PHACTR2: variants seen among roughly 807,000 people sequenced by gnomAD.
PHACTR2 encodes the protein phosphatase and actin regulator 2.
Under a neutral mutation model 76.0 loss-of-function variants are expected in PHACTR2, and 30 were observed. The observed-to-expected ratio is 0.39, with a 90% CI of 0.30 to 0.54. PHACTR2 has a LOEUF of 0.54. Among genes scored for constraint, PHACTR2 ranks in the 20% least tolerant of loss-of-function variants. The pLI, the probability that PHACTR2 is intolerant of heterozygous loss-of-function variation, is 0.61. For missense variants in PHACTR2, 696 were observed against 781.1 expected (o/e 0.89, Z 1.30); for synonymous variants, 292 against 292.5 (o/e 1.00, Z 0.02).
intron 1 of PHACTR2, among the ~76,000 whole-genome samples, chr6:143,560,213 T>C (rs1582670740): frequency 6.6e-6 from 1 of 152,370 alleles, no homozygotes; most frequent in African/African-American, 2.4e-5. Context: ...AAATCTGTCC[T>C]TAATTAAATA....
intron 1 of PHACTR2, among the ~76,000 whole-genome samples, chr6:143,686,163 A>C (rs1000962267): frequency 6.6e-6 from 1 of 151,634 alleles, no homozygotes; most frequent in Non-Finnish European, 1.5e-5. Flanking sequence ...CTTAGACTAC[A>C]CTTAGACCCA....
At chr6:143,540,981 G>A (rs1270367234) in intron 1 of PHACTR2, among the ~76,000 whole-genome samples, 3 of 152,092 alleles carry the variant, frequency 2.0e-5, no homozygotes, top group South Asian at 2.1e-4. Context: ...ATGGCTGTTC[G>A]CCAGTACAAC....
At chr6:143,572,793 T>A (rs1775462001) in intron 1 of PHACTR2, among the ~76,000 whole-genome samples, 1 of 152,200 alleles carries the variant, frequency 6.6e-6, no homozygotes, top group Admixed American at 6.5e-5. Context: ...CCTCAAGCAA[T>A]CCACCTGCCT....
Position 143,823,569 on chromosome 6 carries a change from T to C in PHACTR2, c.1923-105T>C, listed in dbSNP as rs1454959238. 3.9e-6 allele frequency: 3 copies of C among 759,754 alleles called. No homozygotes were observed. The Admixed American group carries it at 5.8e-5, about 15-fold the overall frequency. 47.1% of individuals were successfully genotyped at this position (759,754 alleles called of 1,614,324 possible). On this transcript the variant is annotated intron_variant, in intron 12 of 12. Coordinates refer to ENST00000440869, the MANE Select transcript of PHACTR2 (RefSeq NM_001100164.2). This position sits in a 1 kb window ranked among gnomAD's most constrained non-coding sequence, Gnocchi z 5.7. The stretch of plus-strand genomic sequence containing the variant: ...TAAACAGTAATTCAGTTGGGGGATA[T>C]CTGGGGTACCTTTTCATTGTAAACA...
Position 143,772,590 on chromosome 6 carries a change from T to G in PHACTR2, c.1432+133T>G. ...TTCCCCTCATCCTCCTTTCTCAAAT[T>G]AGAAATGTGTATATCCTAAAGTTTA... On this transcript the variant is annotated intron_variant, in intron 7 of 12. Coordinates refer to ENST00000440869, the MANE Select transcript of PHACTR2 (RefSeq NM_001100164.2). The surrounding 1 kb of genome is among the most constrained non-coding windows in gnomAD (Gnocchi z 5.4). 1 of 671,338 alleles carries G rather than the reference T, an allele frequency of 1.5e-6. No homozygotes were observed. The highest frequency in any genetic ancestry group is 2.6e-6 in the Non-Finnish European group (1 of 388,618). 41.6% of individuals were successfully genotyped at this position (671,338 alleles called of 1,614,324 possible).
At chr6:143,681,072 G>T (rs191864084) in intron 1 of PHACTR2, among the ~76,000 whole-genome samples, 1 of 152,156 alleles carries the variant, frequency 6.6e-6, no homozygotes, top group East Asian at 1.9e-4. Flanking sequence ...TGAACTTAAT[G>T]TACAAGTTGT....
chr6:143,667,510 T>C (rs935489874), intron 1 of PHACTR2, among the ~76,000 whole-genome samples: 2 of 152,242 alleles, frequency 1.3e-5, no homozygotes, highest in African/African-American at 4.8e-5. Flanking sequence ...TCCGTGAGCA[T>C]GGAATGCTTT....
At position 143,571,747 on chromosome 6, in the gene PHACTR2, A is replaced by G. The variant is rs1775448833; in HGVS notation, c.217+34540A>G. On this transcript the variant is annotated intron_variant, in intron 1 of 11. Coordinates refer to the PHACTR2 transcript ENST00000367584. This position sits in a 1 kb window ranked among gnomAD's most constrained non-coding sequence, Gnocchi z 4.6. ...CCATCATTAAAAAAATCATTTCCTT[A>G]CTTTCTGGGACCACAAGACGTTCCA... 6.6e-6 allele frequency among the ~76,000 whole-genome samples: 1 copy of G among 151,726 alleles called. No individual in the cohort carries two copies. Among genetic ancestry groups the G allele is most frequent in the African/African-American group, 2.4e-5 (1 of 41,244 alleles).
chr6:143,572,567 T>C (rs1002817515), intron 1 of PHACTR2, among the ~76,000 whole-genome samples: 1 of 152,234 alleles, frequency 6.6e-6, no homozygotes, highest in Non-Finnish European at 1.5e-5. Context: ...TGTTGTTGTT[T>C]TTGAAATGGA....
chr6:143,781,147 A>G (rs980227952), intron 9 of PHACTR2, among the ~76,000 whole-genome samples: 10 of 152,240 alleles, frequency 6.6e-5, no homozygotes, highest in Non-Finnish European at 1.3e-4. Flanking sequence ...AGGAACAGTC[A>G]TGTTGGCTTC....
intron 2 of PHACTR2, among the ~76,000 whole-genome samples, chr6:143,744,472 G>A (rs1779011218): frequency 6.6e-6 from 1 of 152,230 alleles, no homozygotes; most frequent in Non-Finnish European, 1.5e-5. Flanking sequence ...GATGGGTTTT[G>A]CAGGGAAAGA....
Position 143,664,922 on chromosome 6 carries a change from C to A in PHACTR2, c.14-47094C>A, listed in dbSNP as rs1322445859. Among the ~76,000 whole-genome samples, 5 of 152,112 alleles carry A rather than the reference C, an allele frequency of 3.3e-5. No homozygotes were observed. Among genetic ancestry groups the A allele is most frequent in the Non-Finnish European group, 7.4e-5 (5 of 68,024 alleles). The stretch of plus-strand genomic sequence containing the variant: ...CAAGTGATTCCCCTGACTCGGCCTC[C>A]CAAGTAGCTGGCATTACAGGCACCT... On this transcript the variant is annotated intron_variant, in intron 1 of 11. Coordinates refer to the PHACTR2 transcript ENST00000305766. This position sits in a 1 kb window ranked among gnomAD's most constrained non-coding sequence, Gnocchi z 5.1.
At chr6:143,638,111 A>G (rs1159863439) in intron 1 of PHACTR2, among the ~76,000 whole-genome samples, 1 of 152,244 alleles carries the variant, frequency 6.6e-6, no homozygotes, top group Non-Finnish European at 1.5e-5. Context: ...TGTGTAGTTG[A>G]TGAATTATTT....
At position 143,550,855 on chromosome 6, in the gene PHACTR2, A is replaced by G. The variant is rs1048745481; in HGVS notation, c.217+13648A>G. ...GGGGTTCGAGATCAGCCTGGGCAACATGGTGAAACCCCATCTCTAGAAAAA... is the reference window on the plus strand; with the variant it reads ...GGGGTTCGAGATCAGCCTGGGCAACGTGGTGAAACCCCATCTCTAGAAAAA... On this transcript the variant is annotated intron_variant, in intron 1 of 11. Coordinates refer to the PHACTR2 transcript ENST00000367584. The surrounding 1 kb of genome is among the most constrained non-coding windows in gnomAD (Gnocchi z 4.8). 3.3e-5 allele frequency among the ~76,000 whole-genome samples: 5 copies of G among 152,062 alleles called. No homozygotes were observed. The highest frequency in any genetic ancestry group is 1.2e-4 in the African/African-American group (5 of 41,442).
chr6:143,650,689 G>A (rs1481512996), intron 1 of PHACTR2, among the ~76,000 whole-genome samples: 1 of 152,126 alleles, frequency 6.6e-6, no homozygotes, highest in African/African-American at 2.4e-5. Context: ...ACTCAAGATG[G>A]ATTAAAGACT....
At chr6:143,702,101 G>T (rs1281366327) in intron 1 of PHACTR2, among the ~76,000 whole-genome samples, 1 of 144,676 alleles carries the variant, frequency 6.9e-6, no homozygotes, top group African/African-American at 2.6e-5. Flanking sequence ...TTTATTGCTT[G>T]TCCTGATTGT....
intron 2 of PHACTR2, among the ~76,000 whole-genome samples, chr6:143,736,660 C>T (rs1459618207): frequency 2.7e-5 from 4 of 146,020 alleles, no homozygotes; most frequent in African/African-American, 1.0e-4. Flanking sequence ...CTGCAAGCCC[C>T]GCCTCCCAGG....
intron 6 of PHACTR2, among the ~76,000 whole-genome samples, chr6:143,768,172 A>C (rs943558078): frequency 6.6e-6 from 1 of 152,204 alleles, no homozygotes; most frequent in African/African-American, 2.4e-5. Flanking sequence ...TGAGGGACAC[A>C]TTCAAACCCT....
Position 143,595,916 on chromosome 6 carries a change from G to A in PHACTR2, c.217+58709G>A, listed in dbSNP as rs936337863. ...TGTCTACTGAGTTGGGTGGGTTATA[G>A]GTAGCGTCACTTAGGGAAAAGTTTG... On this transcript the variant is annotated intron_variant, in intron 1 of 11. Transcript: ENST00000367584. This position sits in a 1 kb window ranked among gnomAD's most constrained non-coding sequence, Gnocchi z 4.2. Among the ~76,000 whole-genome samples the A allele has an allele frequency of 6.6e-6, 1 of 152,118 alleles. No individual in the cohort carries two copies. Among genetic ancestry groups the A allele is most frequent in the Non-Finnish European group, 1.5e-5 (1 of 68,018 alleles).
Sources: allele counts gnomAD v4.1 joint callset (sites outside exome capture counted in the v4.1 genomes callset), GRCh38; gene constraint gnomAD v4.1.1; non-coding constraint Gnocchi (gnomAD v3.1); transcripts MANE v1.5; gene names NCBI Gene and HGNC (gene_info 2026-07-23, HGNC 2026-07-21).